The following RBM6 variants were observed in gnomAD, a reference collection of about 807,000 sequenced individuals.
RBM6 encodes the protein RNA binding motif protein 6.
A neutral mutation model predicts 140.4 loss-of-function variants in RBM6; 23 were observed. The observed-to-expected ratio is 0.16, with a 90% CI of 0.12 to 0.23. The LOEUF is 0.23. RBM6 is among the 10% of genes least tolerant of loss of function. The pLI, the probability that RBM6 is intolerant of heterozygous loss-of-function variation, is 1.00. For missense variants in RBM6, 1,139 were observed against 1,386.7 expected (o/e 0.82, Z 2.84); for synonymous variants, 439 against 475.6 (o/e 0.92, Z 1.00).
intron 5 of RBM6, among the ~76,000 whole-genome samples, chr3:49,982,234 C>T (rs1208302369): frequency 6.7e-6 from 1 of 149,928 alleles, no homozygotes; most frequent in Non-Finnish European, 1.5e-5. Flanking sequence ...TAGCAAAGGC[C>T]CTGTACCTTC....
chr3:50,046,078 C>G (rs899915520), intron 6 of RBM6, among the ~76,000 whole-genome samples: 13 of 151,160 alleles, frequency 8.6e-5, no homozygotes, highest in African/African-American at 2.9e-4. Context: ...GTCAGGAGTT[C>G]GAGACCAGCC....
chr3:49,980,159 T>A (rs2085242945), intron 5 of RBM6, among the ~76,000 whole-genome samples: 1 of 151,616 alleles, frequency 6.6e-6, no homozygotes, highest in Non-Finnish European at 1.5e-5. Context: ...CTGCCCCTAC[T>A]CCTAGCTAAT....
At chr3:50,045,151 A>C (rs2089159665) in intron 6 of RBM6, among the ~76,000 whole-genome samples, 1 of 152,200 alleles carries the variant, frequency 6.6e-6, no homozygotes, top group East Asian at 1.9e-4. Flanking sequence ...CCTGCCCTCA[A>C]CAAAAGGTCA....
chr3:49,964,222 T>G (rs2084408962), intron 2 of RBM6, among the ~76,000 whole-genome samples: 1 of 152,198 alleles, frequency 6.6e-6, no homozygotes, highest in African/African-American at 2.4e-5. Flanking sequence ...ATTGGCAATC[T>G]GCAAGATTTT....
intron 6 of RBM6, among the ~76,000 whole-genome samples, chr3:50,025,005 A>G (rs530893020): frequency 2.7e-5 from 4 of 149,428 alleles, no homozygotes; most frequent in Admixed American, 2.0e-4. Context: ...AACAAAAAAC[A>G]AAAAACAAGA....
chr3:49,975,903 T>G (rs74725332), intron 5 of RBM6, among the ~76,000 whole-genome samples: 134 of 152,302 alleles, frequency 8.8e-4, no homozygotes, highest in African/African-American at 3.0e-3. Flanking sequence ...AGCTTTCCCT[T>G]TGACATCTGT....
intron 6 of RBM6, among the ~76,000 whole-genome samples, chr3:50,037,492 A>G (rs536748094): frequency 1.3e-5 from 2 of 152,188 alleles, no homozygotes; most frequent in African/African-American, 2.4e-5. Context: ...TATTTTATTA[A>G]TATTTTCAAG....
At chr3:49,951,642 C>G (rs2083734971) in intron 1 of RBM6, among the ~76,000 whole-genome samples, 1 of 151,916 alleles carries the variant, frequency 6.6e-6, no homozygotes, top group Non-Finnish European at 1.5e-5. Flanking sequence ...ACGATCTTGG[C>G]TCACTGCATC....
At chr3:49,963,960 G>T (rs111742464) in intron 2 of RBM6, among the ~76,000 whole-genome samples, 9,465 of 152,176 alleles carry the variant, frequency 0.062, 423 homozygotes, top group Non-Finnish European at 0.091. Context: ...GAGTGCAGGG[G>T]TATGATCTCA....
chr3:50,035,695 TAAA>T (rs900101385), intron 6 of RBM6, among the ~76,000 whole-genome samples: 2 of 151,690 alleles, frequency 1.3e-5, no homozygotes, highest in Admixed American at 6.6e-5. Flanking sequence ...AAAAAATAAA[TAAA>T]AAAGAAACTT....
At chr3:49,960,774 C>T (rs1385985673) in intron 1 of RBM6, among the ~76,000 whole-genome samples, 2 of 152,108 alleles carry the variant, frequency 1.3e-5, no homozygotes, top group South Asian at 2.1e-4. Flanking sequence ...AGGTCTGAGA[C>T]AGTGGGGTTG....
intron 6 of RBM6, among the ~76,000 whole-genome samples, chr3:50,015,765 A>G (rs1436100432): frequency 2.0e-5 from 3 of 152,246 alleles, no homozygotes; most frequent in African/African-American, 7.2e-5. Context: ...ATAATTGTAC[A>G]TGTTTATGGA....
intron 3 of RBM6, among the ~76,000 whole-genome samples, chr3:49,970,736 T>C (rs951353988): frequency 2.0e-5 from 3 of 152,170 alleles, no homozygotes; most frequent in African/African-American, 7.2e-5. Flanking sequence ...GGCCTATGCT[T>C]GTAATTTCAG....
Position 50,077,138 on chromosome 3 carries a change from G to C in RBM6, c.*5G>C. On this transcript the variant is annotated 3_prime_UTR_variant, in exon 21 of 21. Transcript: ENST00000266022. ...CGATATAAAGAACTCGATTAAGAAA[G>C]GAGACAAGTTCCATGGGATACAACC... The C allele has an allele frequency of 6.2e-7, 1 of 1,607,962 alleles. No individual in the cohort carries two copies. The highest frequency in any genetic ancestry group is 1.1e-5 in the South Asian group (1 of 90,150).
chr3:50,068,505 C>T (rs975691868), intron 17 of RBM6, among the ~76,000 whole-genome samples, 185 bp from the exon 18 acceptor site: 2 of 152,152 alleles, frequency 1.3e-5, no homozygotes, highest in Non-Finnish European at 2.9e-5. Flanking sequence ...TTATGCCATA[C>T]CACATAACTA....
At chr3:49,976,952 TTTTTTA>T (rs1243922233) in intron 5 of RBM6, among the ~76,000 whole-genome samples, 1 of 152,186 alleles carries the variant, frequency 6.6e-6, no homozygotes, top group Admixed American at 6.6e-5. Flanking sequence ...TTAAGTTGTG[TTTTTTA>T]TTTTTGTTTT....
intron 19 of RBM6, 72 bp from the exon 20 acceptor site, chr3:50,075,129 C>G: frequency 6.4e-7 from 1 of 1,558,080 alleles, no homozygotes; most frequent in Non-Finnish European, 8.7e-7. Context: ...GCACTCCAGC[C>G]TGGGCAAAAA....
chr3:50,049,720 G>A lies in RBM6; in HGVS notation c.1632+1401G>A, dbSNP rs116196058. On this transcript the variant is annotated intron_variant, in intron 7 of 20. Transcript: ENST00000266022. ...TGGTGTCATTTTAGGAAGATATTTC[G>A]TTTCCTTTTATTGAGATAAAATACA... Among the ~76,000 whole-genome samples, 1,415 of 151,752 alleles carry A rather than the reference G, an allele frequency of 9.3e-3. 22 individuals are homozygous for A. Among genetic ancestry groups the A allele is most frequent in the African/African-American group, 0.032 (1,322 of 41,364 alleles).
intron 4 of RBM6, among the ~76,000 whole-genome samples, chr3:49,973,824 G>A (rs1415105089): frequency 6.6e-6 from 1 of 151,832 alleles, no homozygotes; most frequent in Non-Finnish European, 1.5e-5. Context: ...GACCTCAAGT[G>A]ATCCACCCGC....
Sources: allele counts gnomAD v4.1 joint callset (sites outside exome capture counted in the v4.1 genomes callset), GRCh38; gene constraint gnomAD v4.1.1; transcripts MANE v1.5; gene names NCBI Gene and HGNC (gene_info 2026-07-23, HGNC 2026-07-21).